Variants in NALF1 observed in about 807,000 individuals in gnomAD.
NALF1 encodes the protein NALCN channel auxiliary factor 1.
In NALF1, 3 loss-of-function variants were observed where a neutral mutation model predicts 48.4. The observed-to-expected ratio is 0.06, with a 90% CI of 0.03 to 0.16. NALF1 has a LOEUF of 0.16. Among genes scored for constraint, NALF1 ranks in the 10% least tolerant of loss-of-function variants. The pLI, the probability that NALF1 is intolerant of heterozygous loss-of-function variation, is 1.00. For missense variants in NALF1, 526 were observed against 571.5 expected, an observed-to-expected ratio of 0.92 and a Z score of 0.81; for synonymous variants, 262 against 245.7, an observed-to-expected ratio of 1.07 and a Z score of -0.62.
intron 1 of NALF1, among the ~76,000 whole-genome samples, chr13:107,706,631 CTCAGAG>C (rs1223834179): frequency 5.6e-4 from 85 of 152,212 alleles, no homozygotes; most frequent in African/African-American, 1.9e-3. Context: ...AGCACTGTCG[CTCAGAG>C]AAATAAAAGA....
intron 1 of NALF1, among the ~76,000 whole-genome samples, chr13:107,511,641 G>A (rs572020612): frequency 6.6e-6 from 1 of 152,140 alleles, no homozygotes; most frequent in East Asian, 1.9e-4. Flanking sequence ...CACTACAAAT[G>A]GAGAAACTGA....
intron 1 of NALF1, among the ~76,000 whole-genome samples, chr13:107,501,828 T>C (rs1039745468): frequency 1.3e-5 from 2 of 152,210 alleles, no homozygotes; most frequent in African/African-American, 2.4e-5. Context: ...TAACAATTTA[T>C]TTATCCAACT....
intron 1 of NALF1, among the ~76,000 whole-genome samples, chr13:107,633,664 GTTT>G (rs917566790): frequency 6.7e-6 from 1 of 149,000 alleles, no homozygotes. Flanking sequence ...AACAAATCCA[GTTT>G]TTTAACTTTA....
chr13:107,410,042 C>T (rs1460693958), intron 1 of NALF1, among the ~76,000 whole-genome samples: 1 of 152,200 alleles, frequency 6.6e-6, no homozygotes, highest in Non-Finnish European at 1.5e-5. Context: ...GGTGAACCAT[C>T]AGCTCTCAAG....
At chr13:107,308,757 A>G (rs924949136) in intron 1 of NALF1, among the ~76,000 whole-genome samples, 2 of 152,198 alleles carry the variant, frequency 1.3e-5, no homozygotes, top group African/African-American at 4.8e-5. Flanking sequence ...CTGAAAATCA[A>G]TCCTGAATAT....
chr13:107,695,857 T>C (rs1010392881), intron 1 of NALF1, among the ~76,000 whole-genome samples: 2 of 151,624 alleles, frequency 1.3e-5, no homozygotes, highest in Admixed American at 1.3e-4. Flanking sequence ...TTAGTACAAC[T>C]CAATAATGGA....
In NALF1 at chr13:107,189,407, C is replaced by T. The variant is rs190071263; in HGVS notation, c.1088-18621G>A. ...AATGGACAAAGAAATGTACACTCAC[C>T]AAATATATCATTTAATTTTCCTCCC... On this transcript the variant is annotated intron_variant, in intron 2 of 2. Coordinates refer to ENST00000375915, the MANE Select transcript of NALF1 (RefSeq NM_001080396.3). Among the ~76,000 whole-genome samples, 320 of 152,218 alleles carry T rather than the reference C, an allele frequency of 2.1e-3. 1 individual carries two copies. The highest frequency in any genetic ancestry group is 2.8e-3 in the Non-Finnish European group (189 of 68,018).
chr13:107,535,171 T>C (rs1876763710), intron 1 of NALF1, among the ~76,000 whole-genome samples: 1 of 152,112 alleles, frequency 6.6e-6, no homozygotes, highest in Non-Finnish European at 1.5e-5. Context: ...ATACCCTTTA[T>C]ATCTTTCTCC....
chr13:107,848,238 T>G (rs954718095), intron 1 of NALF1, among the ~76,000 whole-genome samples: 1 of 152,188 alleles, frequency 6.6e-6, no homozygotes, highest in African/African-American at 2.4e-5. Context: ...AAATTTGCAC[T>G]AATACTCTTT....
intron 1 of NALF1, among the ~76,000 whole-genome samples, chr13:107,347,018 TCTTTTTTAAATTAGGGGTCCA>T (rs1397498006): frequency 6.6e-6 from 1 of 152,234 alleles, no homozygotes; most frequent in African/African-American, 2.4e-5. Context: ...TTTTCTTATT[TCTTTTTTAAATTAGGGGTCCA>T]CTTTTTTAAA....
At chr13:107,836,147 T>C (rs1352229743) in intron 1 of NALF1, among the ~76,000 whole-genome samples, 1 of 152,048 alleles carries the variant, frequency 6.6e-6, no homozygotes, top group East Asian at 1.9e-4. Flanking sequence ...CACATCACCA[T>C]GCTCGACTAA....
chr13:107,438,045 G>A (rs955731861), intron 1 of NALF1, among the ~76,000 whole-genome samples: 5 of 152,170 alleles, frequency 3.3e-5, no homozygotes, highest in Non-Finnish European at 7.3e-5. Flanking sequence ...GACATCCAAT[G>A]TATTTTTCAG....
rs541851774 is a variant in NALF1 at position 107,708,056 on chromosome 13, T to C, written c.915+157626A>G. Among the ~76,000 whole-genome samples the C allele has an allele frequency of 5.4e-4, 80 of 147,270 alleles. 1 individual carries two copies. Among genetic ancestry groups the C allele is most frequent in the African/African-American group, 1.9e-3 (76 of 40,032 alleles). On this transcript the variant is annotated intron_variant, in intron 1 of 2. Transcript: ENST00000375915. ...TTTCTGGATAGCACCAAAGAAATAA[T>C]AAATACAGTCAATTTTCTATCTAGA...
intron 1 of NALF1, chr13:107,531,132 A>G (rs1320460149): frequency 6.0e-6 from 1 of 166,078 alleles, no homozygotes; most frequent in African/African-American, 2.4e-5. Context: ...CTCTCCAGAA[A>G]TAAAAAGTTC....
intron 1 of NALF1, among the ~76,000 whole-genome samples, chr13:107,415,070 G>A (rs927071603): frequency 8.6e-5 from 13 of 152,022 alleles, no homozygotes; most frequent in Non-Finnish European, 1.6e-4. Flanking sequence ...CAAAATAATA[G>A]CCTAGCAACA....
At chr13:107,745,805 G>T (rs1334814401) in intron 1 of NALF1, among the ~76,000 whole-genome samples, 4 of 152,108 alleles carry the variant, frequency 2.6e-5, no homozygotes, top group Non-Finnish European at 5.9e-5. Flanking sequence ...TCACAATAGT[G>T]AGTGAGTTCT....
At chr13:107,584,615 G>A (rs1470531545) in intron 1 of NALF1, among the ~76,000 whole-genome samples, 1 of 152,124 alleles carries the variant, frequency 6.6e-6, no homozygotes, top group Non-Finnish European at 1.5e-5. Flanking sequence ...ATGAAATGAT[G>A]TTAAAATACA....
intron 1 of NALF1, among the ~76,000 whole-genome samples, chr13:107,276,431 T>C (rs1881282546): frequency 6.6e-6 from 1 of 152,178 alleles, no homozygotes; most frequent in Non-Finnish European, 1.5e-5. Flanking sequence ...AAATAACAGA[T>C]TACGTAGTAG....
At chr13:107,424,648 G>C (rs73592728) in intron 1 of NALF1, among the ~76,000 whole-genome samples, 14,655 of 152,156 alleles carry the variant, frequency 0.096, 1,778 homozygotes, top group African/African-American at 0.29. Context: ...AGCAATGACA[G>C]TCACTTGTAA....
Sources: allele counts gnomAD v4.1 joint callset (sites outside exome capture counted in the v4.1 genomes callset), GRCh38; gene constraint gnomAD v4.1.1; transcripts MANE v1.5; gene names NCBI Gene and HGNC (gene_info 2026-07-23, HGNC 2026-07-21).